RGS17: variants seen among roughly 807,000 people sequenced by gnomAD.
The protein encoded by RGS17 is regulator of G protein signaling 17.
Under a neutral mutation model 25.5 loss-of-function variants are expected in RGS17, and 12 were observed. The observed-to-expected ratio is 0.47, with a 90% CI of 0.30 to 0.76. RGS17 has a LOEUF of 0.76. RGS17 is among the 30% of genes least tolerant of loss of function. The probability of loss-of-function intolerance (pLI) is 0.07; values close to 1 mark genes in which losing one functional copy is unlikely to be tolerated. For synonymous variants in RGS17, 71 were observed against 76.9 expected (o/e 0.92, Z 0.40); for missense variants, 196 against 242.2 (o/e 0.81, Z 1.27).
Position 153,020,107 on chromosome 6 carries a change from A to ATATATAT in RGS17, c.444+4154_444+4155insATATATA, listed in dbSNP as rs1205305073. Among the ~76,000 whole-genome samples the ATATATAT allele has an allele frequency of 3.9e-3, 185 of 47,752 alleles. 8 individuals carry two copies. Among genetic ancestry groups the ATATATAT allele is most frequent in the African/African-American group, 8.9e-3 (100 of 11,258 alleles). 31.3% of individuals were successfully genotyped at this position (47,752 alleles called of 152,430 possible). ...TCCTAATTGCAAATATCTTAAAAAA[A>ATATATAT]AAAAATATATATATATATATATATA... On this transcript the variant is annotated intron_variant, in intron 4 of 4. Transcript: ENST00000206262.
At chr6:153,089,521 G>A (rs960066397) in intron 1 of RGS17, among the ~76,000 whole-genome samples, 2 of 151,978 alleles carry the variant, frequency 1.3e-5, no homozygotes, top group African/African-American at 4.8e-5. Context: ...AAGGAGACAT[G>A]GTACTTTAGT....
At chr6:153,051,899 G>A (rs769613918) in intron 1 of RGS17, among the ~76,000 whole-genome samples, 2 of 152,194 alleles carry the variant, frequency 1.3e-5, no homozygotes, top group Non-Finnish European at 2.9e-5. Flanking sequence ...ACCTCAGCAG[G>A]AAAACTGCCA....
intron 1 of RGS17, among the ~76,000 whole-genome samples, chr6:153,116,538 C>T (rs1327369852): frequency 1.3e-5 from 2 of 152,000 alleles, no homozygotes; most frequent in Non-Finnish European, 2.9e-5. Context: ...GAACTAGGAC[C>T]AGAAATACCA....
intron 1 of RGS17, among the ~76,000 whole-genome samples, chr6:153,125,248 C>T (rs939726684): frequency 1.3e-5 from 2 of 152,114 alleles, no homozygotes; most frequent in African/African-American, 4.8e-5. Flanking sequence ...CTTTGTGAAC[C>T]ACAATCATTG....
chr6:153,127,285 C>T (rs1052550930), intron 1 of RGS17, among the ~76,000 whole-genome samples: 1 of 152,150 alleles, frequency 6.6e-6, no homozygotes, highest in Admixed American at 6.5e-5. Context: ...GGGTTGGGGA[C>T]CCCTGTTCTA....
chr6:153,021,009 G>C (rs1256278054), intron 4 of RGS17, among the ~76,000 whole-genome samples: 1 of 152,172 alleles, frequency 6.6e-6, no homozygotes, highest in African/African-American at 2.4e-5. Context: ...AACATGTATA[G>C]AATTTCAGAG....
intron 2 of RGS17, among the ~76,000 whole-genome samples, chr6:153,033,490 G>A (rs1214397512): frequency 6.6e-6 from 1 of 152,092 alleles, no homozygotes; most frequent in African/African-American, 2.4e-5. Flanking sequence ...GGCCAAGGTG[G>A]GCAGATCGCC....
At chr6:153,108,491 G>A (rs903135337) in intron 1 of RGS17, among the ~76,000 whole-genome samples, 1 of 151,886 alleles carries the variant, frequency 6.6e-6, no homozygotes, top group Non-Finnish European at 1.5e-5. Flanking sequence ...TTTCCAGCCT[G>A]AGAAAAAATA....
At chr6:153,087,985 T>G (rs1446037519) in intron 1 of RGS17, among the ~76,000 whole-genome samples, 2 of 152,084 alleles carry the variant, frequency 1.3e-5, no homozygotes, top group Non-Finnish European at 2.9e-5. Flanking sequence ...GCTTCCAAGG[T>G]TAGGTTATTA....
intron 4 of RGS17, among the ~76,000 whole-genome samples, chr6:153,017,803 C>A (rs1779199633): frequency 6.6e-6 from 1 of 152,130 alleles, no homozygotes; most frequent in Admixed American, 6.5e-5. Flanking sequence ...GAATTCCTTT[C>A]CAAGTAAAAT....
rs192347316 is a variant in RGS17 at position 153,083,661 on chromosome 6, A to T, written c.-25-39618T>A. Among the ~76,000 whole-genome samples the T allele has an allele frequency of 1.7e-3, 254 of 152,324 alleles. 1 individual carries two copies. Among genetic ancestry groups the T allele is most frequent in the African/African-American group, 5.9e-3 (246 of 41,592 alleles). On this transcript the variant is annotated intron_variant, in intron 1 of 4. Coordinates refer to ENST00000206262, the MANE Select transcript of RGS17 (RefSeq NM_012419.5). ...AAACTGAATCAGTAAATACCACTTTATGGCTTGGATCTTGGAATTGAAATG... is the reference window on the plus strand; with the variant it reads ...AAACTGAATCAGTAAATACCACTTTTTGGCTTGGATCTTGGAATTGAAATG...
chr6:153,089,548 G>T, intron 1 of RGS17, among the ~76,000 whole-genome samples: 1 of 151,966 alleles, frequency 6.6e-6, no homozygotes, highest in Non-Finnish European at 1.5e-5. Context: ...GTAAGAAAAT[G>T]ATATTTAGAA....
At chr6:153,058,934 T>C (rs1325556873) in intron 1 of RGS17, among the ~76,000 whole-genome samples, 1 of 151,922 alleles carries the variant, frequency 6.6e-6, no homozygotes, top group African/African-American at 2.4e-5. Flanking sequence ...TTTATGATTA[T>C]ATTAAAATGA....
chr6:153,071,017 A>C (rs932137010), intron 1 of RGS17, among the ~76,000 whole-genome samples: 1 of 150,422 alleles, frequency 6.6e-6, no homozygotes, highest in Non-Finnish European at 1.5e-5. Context: ...ATATGCACGT[A>C]TGTGTATATG....
intron 1 of RGS17, among the ~76,000 whole-genome samples, chr6:153,106,392 C>T (rs545334364): frequency 2.6e-5 from 4 of 151,616 alleles, no homozygotes; most frequent in African/African-American, 7.3e-5. Flanking sequence ...GAAAGGCACA[C>T]AGAAGTGGCA....
rs778834893 is a variant in RGS17 at position 153,008,642 on chromosome 6, C to T, written c.*2932G>A. ...CTATAGAAAGTGCATTAATCTCTTTCTGTGTGCATCAGCAAATTCTAATAG... is the reference window on the plus strand; with the variant it reads ...CTATAGAAAGTGCATTAATCTCTTTTTGTGTGCATCAGCAAATTCTAATAG... On this transcript the variant is annotated 3_prime_UTR_variant, in exon 5 of 5. Transcript: ENST00000206262. 6.6e-6 allele frequency: 1 copy of T among 152,172 alleles called. No individual in the cohort carries two copies. Among genetic ancestry groups the T allele is most frequent in the Non-Finnish European group, 1.5e-5 (1 of 68,014 alleles). 9.4% of individuals were successfully genotyped at this position (152,172 alleles called of 1,614,324 possible).
rs970972800 is a variant in RGS17, at chr6:153,107,240, G to C, written c.-26+23884C>G. ...CCTAGCTACTCGGGAGGCTGAGGCAGGAGAATCGCTTGAACCCGGGAGGTG... is the reference window on the plus strand; with the variant it reads ...CCTAGCTACTCGGGAGGCTGAGGCACGAGAATCGCTTGAACCCGGGAGGTG... On this transcript the variant is annotated intron_variant, in intron 1 of 4. Coordinates refer to ENST00000206262, the MANE Select transcript of RGS17 (RefSeq NM_012419.5). Among the ~76,000 whole-genome samples the C allele has an allele frequency of 2.0e-5, 3 of 152,012 alleles. No individual in the cohort carries two copies. The East Asian group carries it at 5.9e-4, about 30-fold the overall frequency.
intron 4 of RGS17, among the ~76,000 whole-genome samples, chr6:153,015,422 C>G (rs1779172302): frequency 6.6e-6 from 1 of 152,114 alleles, no homozygotes; most frequent in Non-Finnish European, 1.5e-5. Context: ...AATAAATTGC[C>G]ACAGCCACCC....
intron 1 of RGS17, among the ~76,000 whole-genome samples, chr6:153,102,922 T>TA (rs1211766195): frequency 6.6e-6 from 1 of 152,252 alleles, no homozygotes; most frequent in Non-Finnish European, 1.5e-5. Flanking sequence ...TGGCAGTTGG[T>TA]AGACTCTCAG....
Sources: allele counts gnomAD v4.1 joint callset (sites outside exome capture counted in the v4.1 genomes callset), GRCh38; gene constraint gnomAD v4.1.1; transcripts MANE v1.5; gene names NCBI Gene and HGNC (gene_info 2026-07-23, HGNC 2026-07-21).